Variants in ISM2 observed in about 807,000 individuals in gnomAD.
ISM2 encodes isthmin-2.
In ISM2, 50 loss-of-function variants were observed where a neutral mutation model predicts 58.0. The observed-to-expected ratio is 0.86, with a 90% CI of 0.69 to 1.09. The LOEUF (loss-of-function observed/expected upper bound fraction) is 1.09, where lower values mean the gene tolerates loss of function less well. Among genes scored for constraint, ISM2 ranks in the 50% least tolerant of loss-of-function variants. The probability of loss-of-function intolerance (pLI) is 0.00; values close to 1 mark genes in which losing one functional copy is unlikely to be tolerated. For missense variants in ISM2, 723 were observed against 745.0 expected (o/e 0.97, Z 0.34); for synonymous variants, 303 against 312.4 (o/e 0.97, Z 0.32).
At position 77,482,352 on chromosome 14, in the gene ISM2, C is replaced by G; in HGVS notation, c.943G>C (p.Asp315His). 1 of 1,613,718 alleles carries G rather than the reference C, an allele frequency of 6.2e-7. No individual in the cohort carries two copies. Among genetic ancestry groups the G allele is most frequent in the East Asian group, 2.2e-5 (1 of 44,844 alleles). ...CTGACAGAATCCTTGAAGACCCAAT[C>G]CCCGGGGGCCAGCCAGCCCTGGTCC... ...NWDQGWLAPGDWVFKDSVSYD... is the reference protein window; with the variant it reads ...NWDQGWLAPGHWVFKDSVSYD... The change falls in exon 4 of 7, where the codon GAT becomes CAT. Residue 315 changes from aspartate (D) to histidine (H), a missense_variant. Coordinates refer to ENST00000342219, the MANE Select transcript of ISM2 (RefSeq NM_199296.3).
At chr14:77,492,248 C>T (rs1036612294) in intron 1 of ISM2, among the ~76,000 whole-genome samples, 2 of 152,194 alleles carry the variant, frequency 1.3e-5, no homozygotes, top group Non-Finnish European at 2.9e-5. Context: ...CTTCCCTTGC[C>T]TGCCAGGGAG....
At position 77,475,460 on chromosome 14, in the gene ISM2, A is replaced by G. The variant is rs2079090252; in HGVS notation, c.*135T>C. Reference sequence around the variant, plus strand: ...CTTCGGGGTCGCTGGCAGAGGGCACACAGCCTCGGACCAACCTCACTGGGG... The same window carrying G: ...CTTCGGGGTCGCTGGCAGAGGGCACGCAGCCTCGGACCAACCTCACTGGGG... On this transcript the variant is annotated 3_prime_UTR_variant, in exon 7 of 7. Coordinates refer to ENST00000342219, the MANE Select transcript of ISM2 (RefSeq NM_199296.3). This position sits in a 1 kb window ranked among gnomAD's most constrained non-coding sequence, Gnocchi z 4.1. The G allele has an allele frequency of 2.2e-6, 2 of 901,916 alleles. No individual in the cohort carries two copies. Among genetic ancestry groups the G allele is most frequent in the Admixed American group, 2.7e-5 (1 of 37,032 alleles). The allele number at this position is 901,916 out of a possible 1,614,324, so 55.9% of individuals were successfully genotyped here. A position where few individuals can be genotyped will look rare whatever the true frequency, so the allele number is the denominator to read the frequency against.
rs369987467 is a variant in ISM2 at position 77,478,343 on chromosome 14, G to T, written c.1115-18C>A. On this transcript the variant is annotated intron_variant, in intron 5 of 6. Coordinates refer to ENST00000342219, the MANE Select transcript of ISM2 (RefSeq NM_199296.3). ...CTCAGTGCCTTTGGGAGGAAAGGAGGCCAGGCTGGTGGCTCCGCAGGCCAC... is the reference window on the plus strand; with the variant it reads ...CTCAGTGCCTTTGGGAGGAAAGGAGTCCAGGCTGGTGGCTCCGCAGGCCAC... 16 of 1,608,306 alleles carry T rather than the reference G, an allele frequency of 9.9e-6. No individual in the cohort carries two copies. The highest frequency in any genetic ancestry group is 1.3e-5 in the African/African-American group (1 of 74,828).
At position 77,498,790 on chromosome 14, in the gene ISM2, G is replaced by C. The variant is rs1378498011; in HGVS notation, c.4C>G (p.Arg2Gly). 4.2e-6 allele frequency: 6 copies of C among 1,440,234 alleles called. No individual in the cohort carries two copies. The highest frequency in any genetic ancestry group is 1.4e-5 in the South Asian group (1 of 71,992). 89.2% of individuals were successfully genotyped at this position (1,440,234 alleles called of 1,614,324 possible). A position where few individuals can be genotyped will look rare whatever the true frequency, so the allele number is the denominator to read the frequency against. The change falls in exon 1 of 7, where the codon CGT becomes GGT. Residue 2 changes from arginine to glycine, a missense_variant. By Grantham distance (125) the Arg-to-Gly change is moderately radical. Transcript: ENST00000342219. ...AGCCCGGCTCGGTCGCGGAGCGCAC[G>C]CATCGTCTCGGTTCCGAGGCTGCTC... M[R>G]ALRDRAGLLL...
intron 1 of ISM2, among the ~76,000 whole-genome samples, chr14:77,493,075 G>A (rs1178667825): frequency 6.6e-6 from 1 of 151,784 alleles, no homozygotes; most frequent in Non-Finnish European, 1.5e-5. Flanking sequence ...ACAGCTCACT[G>A]TAGCCTCAAA....
chr14:77,484,474 T>C lies in ISM2; in HGVS notation c.476A>G (p.His159Arg), dbSNP rs779634931. 3.7e-5 allele frequency: 59 copies of C among 1,609,290 alleles called. No individual in the cohort carries two copies. The highest frequency in any genetic ancestry group is 3.3e-5 in the Non-Finnish European group (39 of 1,178,080). Residue 159 changes from histidine to arginine, a missense_variant, in exon 3 of 7, where the codon CAT becomes CGT. Coordinates refer to ENST00000342219, the MANE Select transcript of ISM2 (RefSeq NM_199296.3). ...RTHLQAELHQ[H>R]GCWTVTEPAA... Reference sequence around the variant, plus strand: ...TGGCTCAGTGACAGTCCAACATCCATGTTGGTGTAGCTCTGCCTGCAGGTG... The same window carrying C: ...TGGCTCAGTGACAGTCCAACATCCACGTTGGTGTAGCTCTGCCTGCAGGTG...
intron 3 of ISM2, 77 bp from the exon 4 acceptor site, chr14:77,482,744 C>A: frequency 1.1e-6 from 1 of 943,376 alleles, no homozygotes; most frequent in South Asian, 1.6e-5. Flanking sequence ...ATGATGGGGT[C>A]AGGGTCAGAG....
chr14:77,478,720 G>T lies in ISM2; in HGVS notation c.974-5C>A. The T allele has an allele frequency of 6.2e-7, 1 of 1,608,666 alleles. No individual in the cohort carries two copies. Among genetic ancestry groups the T allele is most frequent in the Non-Finnish European group, 8.5e-7 (1 of 1,175,498 alleles). ...ACTCCTTCTGAGGCTCATAGTCTGGGTTAAGACAGGGAGTTGGGGGTGAGT... is the reference window on the plus strand; with the variant it reads ...ACTCCTTCTGAGGCTCATAGTCTGGTTTAAGACAGGGAGTTGGGGGTGAGT... On this transcript the variant is annotated splice_polypyrimidine_tract_variant and splice_region_variant and intron_variant, in intron 4 of 6. Coordinates refer to ENST00000342219, the MANE Select transcript of ISM2 (RefSeq NM_199296.3).
intron 4 of ISM2, 41 bp downstream of exon 4, chr14:77,482,281 A>T: frequency 6.7e-7 from 1 of 1,497,786 alleles, no homozygotes; most frequent in Non-Finnish European, 9.2e-7. Context: ...CTCAGTACCT[A>T]CAGGGGAGCA....
intron 3 of ISM2, among the ~76,000 whole-genome samples, chr14:77,483,505 G>A (rs1055592583): frequency 1.3e-5 from 2 of 149,836 alleles, no homozygotes; most frequent in African/African-American, 4.9e-5. Context: ...CTGAGATCAT[G>A]CCATTGCATT....
rs1405769684 is a variant in ISM2 at position 77,478,642 on chromosome 14, C to T, written c.1047G>A (p.Arg349=). 2 of 1,613,848 alleles carry T rather than the reference C, an allele frequency of 1.2e-6. No homozygotes were observed. The highest frequency in any genetic ancestry group is 2.7e-5 in the African/African-American group (2 of 74,900). The change falls in exon 5 of 7, where the codon AGG becomes AGA. Residue 349 remains arginine, a synonymous_variant. Coordinates refer to ENST00000342219, the MANE Select transcript of ISM2 (RefSeq NM_199296.3). ...TGCAGCCATAGCCACAGGGCCGAGT[C>T]CTCTGCTGCTTGCCAGTGCTGCAGT... is the stretch of plus-strand genomic sequence containing the variant. The part of the protein sequence containing the change: ...SGNCSTGKQQ[R]TRPCGYGCTA...
chr14:77,484,091 G>A, intron 3 of ISM2: 1 of 501,328 alleles, frequency 2.0e-6, no homozygotes, highest in South Asian at 2.9e-5. Flanking sequence ...ATGGTCTAGA[G>A]AACAAAGGCT....
At position 77,478,643 on chromosome 14, in the gene ISM2, C is replaced by T. The variant is rs1188517040; in HGVS notation, c.1046G>A (p.Arg349Lys). The T allele has an allele frequency of 6.2e-7, 1 of 1,614,016 alleles. No individual in the cohort carries two copies. Among genetic ancestry groups the T allele is most frequent in the Non-Finnish European group, 8.5e-7 (1 of 1,179,914 alleles). ...GCAGCCATAGCCACAGGGCCGAGTCCTCTGCTGCTTGCCAGTGCTGCAGTT... is the reference window on the plus strand; with the variant it reads ...GCAGCCATAGCCACAGGGCCGAGTCTTCTGCTGCTTGCCAGTGCTGCAGTT... ...SGNCSTGKQQ[R>K]TRPCGYGCTA... The change falls in exon 5 of 7, where the codon AGG becomes AAG. Residue 349 changes from arginine (R) to lysine (K), a missense_variant. Coordinates refer to ENST00000342219, the MANE Select transcript of ISM2 (RefSeq NM_199296.3).
intron 1 of ISM2, among the ~76,000 whole-genome samples, chr14:77,497,514 C>T (rs181013048): frequency 1.1e-4 from 17 of 151,480 alleles, no homozygotes; most frequent in African/African-American, 4.1e-4. Context: ...GTGAGACCCC[C>T]CCATCTCTAC....
intron 1 of ISM2, chr14:77,498,156 G>T: frequency 1.1e-6 from 1 of 887,208 alleles, no homozygotes; most frequent in Non-Finnish European, 1.5e-6. Flanking sequence ...CCAGTCTCAG[G>T]CTGGCCACCC....
intron 1 of ISM2, among the ~76,000 whole-genome samples, chr14:77,496,381 G>GGGAGGC (rs2079240434): frequency 6.6e-6 from 1 of 151,650 alleles, no homozygotes; most frequent in Admixed American, 6.6e-5. Flanking sequence ...CTAGCTACTC[G>GGGAGGC]GGAGGCAGAG....
chr14:77,478,299 G>A lies in ISM2; in HGVS notation c.1141C>T (p.Leu381Phe). 1 of 1,614,154 alleles carries A rather than the reference G, an allele frequency of 6.2e-7. No individual in the cohort carries two copies. The highest frequency in any genetic ancestry group is 8.5e-7 in the Non-Finnish European group (1 of 1,179,988). Residue 381 changes from leucine (L) to phenylalanine (F), a missense_variant, in exon 6 of 7, where the codon CTC becomes TTC. Leu to Phe is a conservative substitution (Grantham distance 22). Coordinates refer to ENST00000342219, the MANE Select transcript of ISM2 (RefSeq NM_199296.3). ...PGTEDKDTLG[L>F]PSEEWKLLAR... ...AGGAGCTTCCACTCCTCACTGGGGA[G>A]GCCCAAGGTGTCCTTGTCCTCAGTG...
chr14:77,492,922 G>A (rs1452755680), intron 1 of ISM2, among the ~76,000 whole-genome samples: 1 of 152,096 alleles, frequency 6.6e-6, no homozygotes, highest in Non-Finnish European at 1.5e-5. Flanking sequence ...TTGAGCCTGG[G>A]AGGCAGAGGT....
At chr14:77,485,194 A>G (rs2139963370) in intron 1 of ISM2, among the ~76,000 whole-genome samples, 1 of 152,248 alleles carries the variant, frequency 6.6e-6, no homozygotes, top group East Asian at 1.9e-4. Context: ...AGGCATGAAA[A>G]GGAGGGTCAT....
Sources: gnomAD v4.1 joint callset for allele counts (sites outside exome capture counted in the v4.1 genomes callset) on GRCh38, gnomAD v4.1.1 for gene constraint, Gnocchi (gnomAD v3.1) non-coding constraint, MANE v1.5 for transcripts, NCBI Gene and HGNC (gene_info 2026-07-23, HGNC 2026-07-21) for gene names.